Variants in KCNIP4 observed in about 807,000 individuals in gnomAD.
KCNIP4 encodes the protein potassium voltage-gated channel interacting protein 4.
KCNIP4 carries 12 observed loss-of-function variants against 34.0 expected under a neutral mutation model. That is an observed-to-expected ratio of 0.35 (90% confidence interval 0.23 to 0.57). The LOEUF (loss-of-function observed/expected upper bound fraction) is 0.57, where lower values mean the gene tolerates loss of function less well. Among genes scored for constraint, KCNIP4 ranks in the 20% least tolerant of loss-of-function variants. KCNIP4 has a pLI of 0.83. For synonymous variants in KCNIP4, 124 were observed against 102.2 expected (o/e 1.21, Z -1.29); for missense variants, 238 against 311.7 (o/e 0.76, Z 1.78).
chr4:21,663,815 A>T (rs1748629971), intron 1 of KCNIP4, among the ~76,000 whole-genome samples: 1 of 152,214 alleles, frequency 6.6e-6, no homozygotes, highest in South Asian at 2.1e-4. Context: ...CCAAAATCTC[A>T]TTCTCACAAC....
intron 1 of KCNIP4, among the ~76,000 whole-genome samples, chr4:21,759,872 A>C (rs1717927223): frequency 6.6e-6 from 1 of 152,002 alleles, no homozygotes; most frequent in Non-Finnish European, 1.5e-5. Flanking sequence ...AACACAAGTC[A>C]AAGTCCTCAT....
rs1169038235 is a variant in KCNIP4 at position 21,055,789 on chromosome 4, A to G, written c.62-173080T>C. Among the ~76,000 whole-genome samples, 3 of 152,350 alleles carry G rather than the reference A, an allele frequency of 2.0e-5. No homozygotes were observed. The East Asian group carries it at 5.8e-4, about 29-fold the overall frequency. ...AAGTGGCTACCAAGGGTTGGCAGAA[A>G]GGGATAAACAGGTGACACACAGAGG... On this transcript the variant is annotated intron_variant, in intron 1 of 8. Transcript: ENST00000382152.
intron 3 of KCNIP4, among the ~76,000 whole-genome samples, chr4:20,832,863 G>C (rs534759702): frequency 6.6e-6 from 1 of 152,146 alleles, no homozygotes; most frequent in South Asian, 2.1e-4. Flanking sequence ...TTAGTCTTCT[G>C]GAGTAACATT....
At chr4:21,093,744 A>G (rs1747205065) in intron 1 of KCNIP4, among the ~76,000 whole-genome samples, 2 of 152,310 alleles carry the variant, frequency 1.3e-5, no homozygotes, top group Non-Finnish European at 2.9e-5. Flanking sequence ...AGACCAGTGA[A>G]ATATAAATTG....
chr4:20,980,102 T>G (rs941904151), intron 1 of KCNIP4, among the ~76,000 whole-genome samples: 10 of 152,242 alleles, frequency 6.6e-5, no homozygotes, highest in Non-Finnish European at 1.3e-4. Context: ...CTTTCCAGAA[T>G]GAACCTTTCT....
At chr4:21,002,455 C>T (rs1049815089) in intron 1 of KCNIP4, among the ~76,000 whole-genome samples, 1 of 152,218 alleles carries the variant, frequency 6.6e-6, no homozygotes, top group African/African-American at 2.4e-5. Context: ...AGTGCTGAAT[C>T]CCATGTAAAA....
intron 1 of KCNIP4, among the ~76,000 whole-genome samples, chr4:21,338,409 A>G (rs1441376004): frequency 1.3e-5 from 2 of 151,880 alleles, no homozygotes; most frequent in Non-Finnish European, 2.9e-5. Context: ...CTGAGTGCAT[A>G]GTGCATTGCT....
rs1261345053 is a variant in KCNIP4, at chr4:20,955,653, GA to G, written c.62-72945del. ...TCTAAGAAACTTTCTTGAATAGAGT[GA>G]AAAAAAAAATTGAGTAGACATAGTT... On this transcript the variant is annotated intron_variant, in intron 1 of 8. Coordinates refer to ENST00000382152, the MANE Select transcript of KCNIP4 (RefSeq NM_025221.6). 4.2e-3 allele frequency among the ~76,000 whole-genome samples: 623 copies of G among 149,140 alleles called. 8 individuals carry two copies. Among genetic ancestry groups the G allele is most frequent in the African/African-American group, 0.014 (565 of 40,748 alleles).
intron 1 of KCNIP4, among the ~76,000 whole-genome samples, chr4:21,922,917 C>A (rs565304468): frequency 3.3e-5 from 5 of 152,282 alleles, no homozygotes; most frequent in Admixed American, 2.6e-4. Context: ...TTGTAAGTCA[C>A]AATGTTATTA....
chr4:21,394,229 T>C (rs564195689), intron 1 of KCNIP4, among the ~76,000 whole-genome samples: 2 of 152,282 alleles, frequency 1.3e-5, no homozygotes, highest in Admixed American at 6.5e-5. Context: ...TTTTACTATA[T>C]AAGAAGGAAA....
In KCNIP4 at chr4:21,483,359, C is replaced by T. The variant is rs144356441; in HGVS notation, c.61+465212G>A. Among the ~76,000 whole-genome samples, 134 of 152,186 alleles carry T rather than the reference C, an allele frequency of 8.8e-4. 1 individual carries two copies. Among genetic ancestry groups the T allele is most frequent in the African/African-American group, 3.1e-3 (130 of 41,550 alleles). On this transcript the variant is annotated intron_variant, in intron 1 of 8. Coordinates refer to ENST00000382152, the MANE Select transcript of KCNIP4 (RefSeq NM_025221.6). ...TGGATCTGTGTTCCCACCTAAAACT[C>T]AGGTTGAAATGTAGTCCCTGATGCT...
At chr4:21,899,559 AAT>A (rs1727591514) in intron 1 of KCNIP4, among the ~76,000 whole-genome samples, 1 of 152,092 alleles carries the variant, frequency 6.6e-6, no homozygotes, top group African/African-American at 2.4e-5. Context: ...ATCAAAAAAA[AAT>A]ATTAGAACTG....
intron 1 of KCNIP4, among the ~76,000 whole-genome samples, chr4:21,216,543 G>T (rs1034174082): frequency 6.6e-6 from 1 of 152,154 alleles, no homozygotes; most frequent in African/African-American, 2.4e-5. Context: ...GACACGGGGA[G>T]GAAGATATTA....
chr4:21,732,077 T>G (rs1433837724), intron 1 of KCNIP4, among the ~76,000 whole-genome samples: 1 of 149,638 alleles, frequency 6.7e-6, no homozygotes, highest in Non-Finnish European at 1.5e-5. Flanking sequence ...TTTGGCTTAG[T>G]TTTTAGATAC....
chr4:21,707,332 T>A (rs1321102163), intron 1 of KCNIP4, among the ~76,000 whole-genome samples: 1 of 152,092 alleles, frequency 6.6e-6, no homozygotes, highest in Non-Finnish European at 1.5e-5. Context: ...TAAATACAAA[T>A]TATGAGCTTT....
chr4:21,247,397 G>A (rs1760287466), intron 1 of KCNIP4, among the ~76,000 whole-genome samples: 1 of 151,620 alleles, frequency 6.6e-6, no homozygotes, highest in Non-Finnish European at 1.5e-5. Flanking sequence ...CTTCTCTATA[G>A]GAGGGTACAA....
At chr4:20,836,435 G>A (rs1202308024) in intron 3 of KCNIP4, among the ~76,000 whole-genome samples, 1 of 152,206 alleles carries the variant, frequency 6.6e-6, no homozygotes, top group Non-Finnish European at 1.5e-5. Context: ...CTCCAGAGAA[G>A]AGAGATGATT....
chr4:21,029,994 TA>T (rs201209794), intron 1 of KCNIP4, among the ~76,000 whole-genome samples: 1,894 of 152,264 alleles, frequency 0.012, 20 homozygotes, highest in South Asian at 0.025. Context: ...TGGAGTTATT[TA>T]AAAAAATAGT....
At chr4:21,528,581 C>T (rs1158513180) in intron 1 of KCNIP4, among the ~76,000 whole-genome samples, 2 of 151,264 alleles carry the variant, frequency 1.3e-5, no homozygotes, top group Non-Finnish European at 2.9e-5. Context: ...ACAGGACAAT[C>T]ACTTAAACTT....
Sources: gnomAD v4.1 joint callset for allele counts (sites outside exome capture counted in the v4.1 genomes callset) on GRCh38, gnomAD v4.1.1 for gene constraint, MANE v1.5 for transcripts, NCBI Gene and HGNC (gene_info 2026-07-23, HGNC 2026-07-21) for gene names.